PHAX: variants seen among roughly 807,000 people sequenced by gnomAD.
PHAX encodes the protein phosphorylated adapter RNA export protein.
PHAX carries 31 observed loss-of-function variants against 41.6 expected under a neutral mutation model. The observed-to-expected ratio is 0.75, with a 90% CI of 0.56 to 1.01. PHAX has a LOEUF of 1.01. Ranked by LOEUF, PHAX falls within the 50% of genes least tolerant of loss-of-function variation. The probability of loss-of-function intolerance (pLI) is 0.00; values close to 1 mark genes in which losing one functional copy is unlikely to be tolerated. For synonymous variants in PHAX, 175 were observed against 164.9 expected, an observed-to-expected ratio of 1.06 and a Z score of -0.47; for missense variants, 453 against 472.9, an observed-to-expected ratio of 0.96 and a Z score of 0.39.
rs1752338453 is a variant in PHAX, at chr5:126,625,727, A to G, written c.*883A>G. The G allele has an allele frequency of 6.6e-6, 1 of 151,758 alleles. No homozygotes were observed. Among genetic ancestry groups the G allele is most frequent in the African/African-American group, 2.4e-5 (1 of 41,272 alleles). The allele number at this position is 151,758 out of a possible 1,614,324, so 9.4% of individuals were successfully genotyped here. A position where few individuals can be genotyped will look rare whatever the true frequency, so the allele number is the denominator to read the frequency against. On this transcript the variant is annotated 3_prime_UTR_variant, in exon 5 of 5. Coordinates refer to ENST00000297540, the MANE Select transcript of PHAX (RefSeq NM_032177.4). ...GTTTTTTGGGGGGTTTTTTAGTTAG[A>G]GTCTTGATCTGTCACCCAGGCTGGA...
At chr5:126,613,214 T>C (rs1229692628) in intron 3 of PHAX, among the ~76,000 whole-genome samples, 1 of 152,054 alleles carries the variant, frequency 6.6e-6, no homozygotes, top group East Asian at 1.9e-4. Flanking sequence ...CCGGGTGTGG[T>C]GGCATGTGCC....
At position 126,615,065 on chromosome 5, in the gene PHAX, T is replaced by G. The variant is rs578041111; in HGVS notation, c.832-2185T>G. Among the ~76,000 whole-genome samples, 6 of 152,190 alleles carry G rather than the reference T, an allele frequency of 3.9e-5. No individual in the cohort carries two copies. In the South Asian group the frequency reaches 1.2e-3, roughly 32 times the overall value. ...CGTACCCGGCCCTAACACACTTGTT[T>G]TTACACAAATGGTCATATACTATGC... On this transcript the variant is annotated intron_variant, in intron 3 of 4. Transcript: ENST00000297540.
chr5:126,611,378 A>G (rs1347156451), intron 3 of PHAX, among the ~76,000 whole-genome samples: 6 of 152,280 alleles, frequency 3.9e-5, no homozygotes, highest in African/African-American at 1.2e-4. Flanking sequence ...CTTTGGATAC[A>G]TTATTTCCTT....
At position 126,626,938 on chromosome 5, in the gene PHAX, G is replaced by GTGCA. The variant is rs1415686647; in HGVS notation, c.*2097_*2100dup. The GTGCA allele has an allele frequency of 7.2e-5, 11 of 152,078 alleles. No homozygotes were observed. The highest frequency in any genetic ancestry group is 2.7e-4 in the African/African-American group (11 of 41,422). The allele number at this position is 152,078 out of a possible 1,614,324, so 9.4% of individuals were successfully genotyped here. On this transcript the variant is annotated 3_prime_UTR_variant, in exon 5 of 5. Coordinates refer to ENST00000297540, the MANE Select transcript of PHAX (RefSeq NM_032177.4). ...AAATAATAATAGTAAAATGTTACAT[G>GTGCA]TGCATGAAGTTTTAAATTACTCATT...
intron 2 of PHAX, among the ~76,000 whole-genome samples, chr5:126,604,908 C>T (rs1751966263): frequency 1.3e-5 from 2 of 152,028 alleles, no homozygotes; most frequent in Non-Finnish European, 2.9e-5. Context: ...GTAGTGGGCG[C>T]CTGTAATCCC....
At chr5:126,614,996 C>G (rs2112834789) in intron 3 of PHAX, among the ~76,000 whole-genome samples, 1 of 152,224 alleles carries the variant, frequency 6.6e-6, no homozygotes. Flanking sequence ...CATGATCTGC[C>G]CACTTTGGCC....
chr5:126,606,147 TTGTTTG>T (rs1751983856), intron 2 of PHAX, among the ~76,000 whole-genome samples: 1 of 152,062 alleles, frequency 6.6e-6, no homozygotes, highest in South Asian at 2.1e-4. Flanking sequence ...TGTTATGTTT[TTGTTTG>T]TTTTTGTTTT....
At chr5:126,608,595 C>T (rs187416677) in intron 3 of PHAX, 111 bp downstream of exon 3, 11 of 827,474 alleles carry the variant, frequency 1.3e-5, no homozygotes, top group Admixed American at 1.2e-4. Context: ...TGCATTCTTA[C>T]AGTATGTTTG....
At chr5:126,617,615 A>G (rs1213326698) in intron 4 of PHAX, among the ~76,000 whole-genome samples, 1 of 152,110 alleles carries the variant, frequency 6.6e-6, no homozygotes, top group Non-Finnish European at 1.5e-5. Context: ...AGTAGCTGGG[A>G]TTACAGGCAC....
Position 126,607,870 on chromosome 5 carries a change from TATAATC to T in PHAX, c.711-488_711-483del, listed in dbSNP as rs528389584. ...GTAAGGTTCTTAGGATTGTGCTTAT[TATAATC>T]ATAATAAGCCATCAGTAAATATTAG... On this transcript the variant is annotated intron_variant, in intron 2 of 4. Coordinates refer to ENST00000297540, the MANE Select transcript of PHAX (RefSeq NM_032177.4). Among the ~76,000 whole-genome samples the T allele has an allele frequency of 1.6e-3, 239 of 152,300 alleles. 1 individual carries two copies. Among genetic ancestry groups the T allele is most frequent in the Middle Eastern group, 6.8e-3 (2 of 294 alleles).
intron 3 of PHAX, among the ~76,000 whole-genome samples, chr5:126,613,165 A>G (rs564748832): frequency 7.7e-4 from 117 of 152,258 alleles, no homozygotes; most frequent in African/African-American, 2.7e-3. Context: ...CCTGTCCAAC[A>G]TGGTGAAACC....
At chr5:126,606,632 C>G (rs1451804696) in intron 2 of PHAX, among the ~76,000 whole-genome samples, 1 of 152,004 alleles carries the variant, frequency 6.6e-6, no homozygotes, top group African/African-American at 2.4e-5. Flanking sequence ...GATCTTTAAA[C>G]ACATATTTTC....
chr5:126,609,590 A>G (rs539304209), intron 3 of PHAX, among the ~76,000 whole-genome samples: 2 of 152,144 alleles, frequency 1.3e-5, no homozygotes, highest in Middle Eastern at 3.4e-3. Context: ...TTAGTCCTAC[A>G]TTTTAAGGAT....
intron 2 of PHAX, 101 bp from the exon 3 acceptor site, chr5:126,608,263 A>C: frequency 7.3e-7 from 1 of 1,377,342 alleles, no homozygotes; most frequent in Non-Finnish European, 9.7e-7. Context: ...AGAAAACCAA[A>C]AGTTACTAGA....
rs745940138 is a variant in PHAX, at chr5:126,608,436, T to G, written c.783T>G (p.Leu261=). The change falls in exon 3 of 5, where the codon CTT becomes CTG. Residue 261 remains leucine (L), a synonymous_variant. Coordinates refer to ENST00000297540, the MANE Select transcript of PHAX (RefSeq NM_032177.4). ...RIIGNKKAIE[L]LMETAEVEQN... ...TTGGTAACAAAAAGGCAATTGAACT[T>G]CTGATGGAAACCGCTGAAGTTGAAC... is the stretch of plus-strand genomic sequence containing the variant. 1.2e-6 allele frequency: 2 copies of G among 1,614,042 alleles called. No homozygotes were observed. Among genetic ancestry groups the G allele is most frequent in the Non-Finnish European group, 8.5e-7 (1 of 1,179,924 alleles).
chr5:126,610,729 C>G (rs1210140434), intron 3 of PHAX, among the ~76,000 whole-genome samples: 2 of 152,178 alleles, frequency 1.3e-5, no homozygotes, highest in African/African-American at 2.4e-5. Context: ...TTTTTTGAGA[C>G]ACAGTCTGGC....
chr5:126,617,310 A>C lies in PHAX; in HGVS notation c.892A>C (p.Ser298Arg), dbSNP rs1752200817. ...VFLNLLKNTP[S>R]ISEEQIKDIF... ...TCTGAATCTCTTGAAAAACACTCCTAGTATCAGCGAGGAACAAATTAAGGT... is the reference window on the plus strand; with the variant it reads ...TCTGAATCTCTTGAAAAACACTCCTCGTATCAGCGAGGAACAAATTAAGGT... Residue 298 changes from serine to arginine, a missense_variant, in exon 4 of 5, where the codon AGT becomes CGT. Transcript: ENST00000297540. 9 of 1,607,274 alleles carry C rather than the reference A, an allele frequency of 5.6e-6. No individual in the cohort carries two copies. The East Asian group carries it at 2.0e-4, about 36-fold the overall frequency.
At chr5:126,611,329 C>T (rs1752094717) in intron 3 of PHAX, among the ~76,000 whole-genome samples, 1 of 152,136 alleles carries the variant, frequency 6.6e-6, no homozygotes, top group African/African-American at 2.4e-5. Context: ...GCTGGGATTA[C>T]AGGCGTGAGG....
At position 126,603,628 on chromosome 5, in the gene PHAX, C is replaced by T; in HGVS notation, c.155C>T (p.Ala52Val). ...RAFQNTATAC[A>V]PVSHYRAVES... The stretch of plus-strand genomic sequence containing the variant: ...TTCCAGAACACGGCAACTGCATGTG[C>T]ACCAGTATCACATTATCGAGCTGTT... Residue 52 changes from alanine (A) to valine (V), a missense_variant, in exon 2 of 5, where the codon GCA (alanine) becomes GTA (valine). Physicochemically the swap from Ala to Val is moderately conservative, Grantham distance 64. Coordinates refer to ENST00000297540, the MANE Select transcript of PHAX (RefSeq NM_032177.4). 6.2e-7 allele frequency: 1 copy of T among 1,613,906 alleles called. No individual in the cohort carries two copies.
Sources: gnomAD v4.1 joint callset for allele counts (sites outside exome capture counted in the v4.1 genomes callset) on GRCh38, gnomAD v4.1.1 for gene constraint, MANE v1.5 for transcripts, NCBI Gene and HGNC (gene_info 2026-07-23, HGNC 2026-07-21) for gene names.